RBFOX1: variants seen among roughly 807,000 people sequenced by gnomAD.
RBFOX1 encodes the protein RNA binding protein fox-1 homolog 1.
RBFOX1 carries 8 observed loss-of-function variants against 57.7 expected under a neutral mutation model. That is an observed-to-expected ratio of 0.14 (90% confidence interval 0.08 to 0.25). The LOEUF (loss-of-function observed/expected upper bound fraction) is 0.25, where lower values mean the gene tolerates loss of function less well. RBFOX1 is among the 10% of genes least tolerant of loss of function. The pLI is 1.00. For missense variants in RBFOX1, 611 were observed against 548.5 expected (o/e 1.11, Z -1.14); for synonymous variants, 326 against 222.4 (o/e 1.47, Z -4.15).
chr16:6,951,670 T>C (rs1201585756), intron 3 of RBFOX1, among the ~76,000 whole-genome samples: 2 of 152,164 alleles, frequency 1.3e-5, no homozygotes, highest in African/African-American at 4.8e-5. Context: ...TTTTGCCTCA[T>C]GGATTCAGTG....
intron 4 of RBFOX1, among the ~76,000 whole-genome samples, chr16:7,348,532 C>A (rs1603626509): frequency 1.3e-5 from 2 of 152,052 alleles, no homozygotes; most frequent in Admixed American, 6.5e-5. Context: ...ATGGCAAGGT[C>A]GTATATGATA....
At chr16:7,625,196 G>C (rs1382374997) in intron 10 of RBFOX1, among the ~76,000 whole-genome samples, 1 of 152,090 alleles carries the variant, frequency 6.6e-6, no homozygotes, top group Non-Finnish European at 1.5e-5. Flanking sequence ...TGAACACATG[G>C]TGTTATCTGG....
intron 1 of RBFOX1, among the ~76,000 whole-genome samples, chr16:5,403,048 G>C (rs770349221): frequency 3.9e-5 from 6 of 152,136 alleles, no homozygotes; most frequent in Non-Finnish European, 8.8e-5. Context: ...GGAAGCAAAA[G>C]TGTCATAAAA....
chr16:5,569,309 C>G (rs941181068), intron 2 of RBFOX1, among the ~76,000 whole-genome samples: 5 of 152,062 alleles, frequency 3.3e-5, no homozygotes, highest in African/African-American at 1.2e-4. Context: ...AAATTTGAAG[C>G]TTGGTTCTGA....
At chr16:5,394,144 C>T (rs568382426) in intron 1 of RBFOX1, among the ~76,000 whole-genome samples, 4 of 152,220 alleles carry the variant, frequency 2.6e-5, no homozygotes, top group African/African-American at 9.6e-5. Flanking sequence ...CTGCCTCAGC[C>T]TCCCCAGTAG....
intron 4 of RBFOX1, among the ~76,000 whole-genome samples, chr16:7,438,742 G>A (rs1229515948): frequency 2.0e-5 from 3 of 152,110 alleles, no homozygotes; most frequent in South Asian, 2.1e-4. Context: ...TGAGGCTATG[G>A]TTCATTCTCC....
chr16:7,345,270 C>T (rs890600064), intron 4 of RBFOX1, among the ~76,000 whole-genome samples: 1 of 152,144 alleles, frequency 6.6e-6, no homozygotes. Flanking sequence ...TTATTTCTCC[C>T]TCTACAGCTC....
intron 1 of RBFOX1, among the ~76,000 whole-genome samples, chr16:5,251,353 T>C (rs2062447038): frequency 6.6e-6 from 1 of 152,260 alleles, no homozygotes; most frequent in Non-Finnish European, 1.5e-5. Flanking sequence ...TGACAGCACG[T>C]TCACGGCGCC....
intron 4 of RBFOX1, among the ~76,000 whole-genome samples, chr16:7,179,560 C>G (rs979471809): frequency 3.9e-5 from 6 of 152,078 alleles, no homozygotes; most frequent in Admixed American, 3.3e-4. Context: ...TCCATTTTGT[C>G]AGACATTTTA....
chr16:6,423,502 G>C (rs1490484783), intron 2 of RBFOX1, among the ~76,000 whole-genome samples: 1 of 152,208 alleles, frequency 6.6e-6, no homozygotes, highest in South Asian at 2.1e-4. Flanking sequence ...GGAAGGCTGA[G>C]GTGAGAGAAT....
At chr16:6,636,594 A>T (rs2098435735) in intron 2 of RBFOX1, among the ~76,000 whole-genome samples, 1 of 151,668 alleles carries the variant, frequency 6.6e-6, no homozygotes, top group African/African-American at 2.4e-5. Flanking sequence ...GTTATTTTGG[A>T]GAAATAAAAA....
In RBFOX1 at chr16:7,618,020, C is replaced by T. The variant is rs1042522183; in HGVS notation, c.676+10682C>T. 8.7e-5 allele frequency among the ~76,000 whole-genome samples: 13 copies of T among 149,910 alleles called. No homozygotes were observed. The East Asian group carries it at 9.9e-4, about 11-fold the overall frequency. ...ATTGAGAAAACTTAAAAAAAAAATA[C>T]ACATGCTTGATCTTCACCTGATACC... On this transcript the variant is annotated intron_variant, in intron 10 of 15. Transcript: ENST00000550418.
At chr16:5,863,433 G>C (rs967004232) in intron 3 of RBFOX1, among the ~76,000 whole-genome samples, 5 of 152,158 alleles carry the variant, frequency 3.3e-5, no homozygotes, top group Non-Finnish European at 1.5e-5. Flanking sequence ...GCCCATGGTT[G>C]CAGCTGGCGT....
At chr16:6,489,224 G>T (rs1271396185) in intron 2 of RBFOX1, among the ~76,000 whole-genome samples, 1 of 152,162 alleles carries the variant, frequency 6.6e-6, no homozygotes, top group Non-Finnish European at 1.5e-5. Flanking sequence ...AATAATGGAA[G>T]AGCAATTCTA....
intron 3 of RBFOX1, among the ~76,000 whole-genome samples, chr16:6,947,996 C>G (rs1329061373): frequency 6.6e-6 from 1 of 152,100 alleles, no homozygotes; most frequent in Non-Finnish European, 1.5e-5. Context: ...CCAGGTTGGT[C>G]TCAAACTCCT....
intron 3 of RBFOX1, among the ~76,000 whole-genome samples, chr16:5,744,618 A>T (rs1005671574): frequency 1.3e-5 from 2 of 152,194 alleles, no homozygotes; most frequent in Admixed American, 1.3e-4. Context: ...GGAGTGGGGA[A>T]GGGAGAGCAA....
Position 6,077,631 on chromosome 16 carries a change from A to G in RBFOX1, c.-127+57639A>G, listed in dbSNP as rs368901806. On this transcript the variant is annotated intron_variant, in intron 1 of 15. Coordinates refer to ENST00000550418, the MANE Select transcript of RBFOX1 (RefSeq NM_018723.4). ...CTACATGGTCTTCGGTAGGTCAAAA[A>G]GTGCCCATGCACTTTTCCCCTGCGC... 1.4e-4 allele frequency among the ~76,000 whole-genome samples: 21 copies of G among 152,256 alleles called. No homozygotes were observed. The East Asian group carries it at 4.1e-3, about 29-fold the overall frequency.
chr16:5,264,987 C>G (rs2062823443), intron 1 of RBFOX1, among the ~76,000 whole-genome samples: 1 of 151,884 alleles, frequency 6.6e-6, no homozygotes, highest in Non-Finnish European at 1.5e-5. Flanking sequence ...TCTGACTGAT[C>G]ATGGTGGAAT....
chr16:7,127,890 A>G (rs991524019), intron 4 of RBFOX1, among the ~76,000 whole-genome samples: 1 of 152,218 alleles, frequency 6.6e-6, no homozygotes, highest in African/African-American at 2.4e-5. Context: ...GTTGCAAGCA[A>G]CAGAGTCACA....
Sources: allele counts gnomAD v4.1 joint callset (sites outside exome capture counted in the v4.1 genomes callset), GRCh38; gene constraint gnomAD v4.1.1; transcripts MANE v1.5; gene names NCBI Gene and HGNC (gene_info 2026-07-23, HGNC 2026-07-21).